The following DYM variants were observed in gnomAD, a reference collection of about 807,000 sequenced individuals.
DYM encodes the protein dyggve-Melchior-Clausen syndrome protein.
DYM carries 78 observed loss-of-function variants against 93.1 expected under a neutral mutation model. The observed-to-expected ratio is 0.84, with a 90% CI of 0.70 to 1.01. The LOEUF (loss-of-function observed/expected upper bound fraction) is 1.01, where lower values mean the gene tolerates loss of function less well. DYM is among the 50% of genes least tolerant of loss of function. DYM has a pLI of 0.00. For missense variants in DYM, 789 were observed against 845.0 expected, an observed-to-expected ratio of 0.93 and a Z score of 0.82; for synonymous variants, 321 against 319.7, an observed-to-expected ratio of 1.00 and a Z score of -0.04.
intron 6 of DYM, among the ~76,000 whole-genome samples, chr18:49,338,500 G>A (rs1219760024): frequency 6.6e-6 from 1 of 152,082 alleles, no homozygotes; most frequent in African/African-American, 2.4e-5. Context: ...TTTCCCTACT[G>A]GATATCAAGC....
chr18:49,060,305 C>T (rs985408063), intron 17 of DYM, among the ~76,000 whole-genome samples: 1 of 152,014 alleles, frequency 6.6e-6, no homozygotes, highest in South Asian at 2.1e-4. Context: ...GGCAAATGCC[C>T]GCCTCCATGC....
chr18:49,452,600 G>A (rs539154619), intron 1 of DYM, among the ~76,000 whole-genome samples: 13 of 152,204 alleles, frequency 8.5e-5, no homozygotes, highest in East Asian at 5.8e-4. Flanking sequence ...GCTGACTGGC[G>A]TATCTACAAT....
At chr18:49,101,324 T>C (rs2080115409) in intron 16 of DYM, among the ~76,000 whole-genome samples, 1 of 152,186 alleles carries the variant, frequency 6.6e-6, no homozygotes, top group Admixed American at 6.5e-5. Flanking sequence ...ACAACCCTCC[T>C]CTACCTACAA....
intron 9 of DYM, among the ~76,000 whole-genome samples, chr18:49,282,515 T>A (rs546670157): frequency 6.6e-6 from 1 of 152,038 alleles, no homozygotes; most frequent in Non-Finnish European, 1.5e-5. Context: ...CAGGAGGCTA[T>A]AGCAGGAGAA....
chr18:49,422,014 CA>C (rs1195734660), intron 2 of DYM, among the ~76,000 whole-genome samples: 1 of 152,076 alleles, frequency 6.6e-6, no homozygotes, highest in Non-Finnish European at 1.5e-5. Flanking sequence ...GTGAAAAGAC[CA>C]AATCTATGTC....
chr18:49,213,032 T>C (rs1313883833), intron 13 of DYM, among the ~76,000 whole-genome samples: 1 of 152,168 alleles, frequency 6.6e-6, no homozygotes, highest in African/African-American at 2.4e-5. Flanking sequence ...AAAAATAAAA[T>C]TTCCTTAGTG....
intron 9 of DYM, among the ~76,000 whole-genome samples, 194 bp from the exon 10 acceptor site, chr18:49,282,369 C>A (rs1162464461): frequency 6.6e-6 from 1 of 152,174 alleles, no homozygotes; most frequent in Non-Finnish European, 1.5e-5. Flanking sequence ...AATCCCAGCA[C>A]TTTGGGAGGC....
chr18:49,061,057 C>A lies in DYM; in HGVS notation c.2026-16853G>T, dbSNP rs1243345227. Among the ~76,000 whole-genome samples, 4 of 152,184 alleles carry A rather than the reference C, an allele frequency of 2.6e-5. No individual in the cohort carries two copies. The East Asian group carries it at 5.8e-4, about 22-fold the overall frequency. On this transcript the variant is annotated intron_variant, in intron 17 of 17. Coordinates refer to ENST00000675505, the MANE Select transcript of DYM (RefSeq NM_001353214.3). ...AATCTCAATGGCTTCTCAATGGAAA[C>A]CACTGCCACAGAAGATACCAAAAAG...
intron 1 of DYM, among the ~76,000 whole-genome samples, chr18:49,434,705 C>G (rs925169610): frequency 2.6e-5 from 4 of 151,984 alleles, no homozygotes; most frequent in Non-Finnish European, 5.9e-5. Flanking sequence ...GTGGATCACG[C>G]CTGTAATCAC....
intron 2 of DYM, among the ~76,000 whole-genome samples, chr18:49,424,574 G>A (rs537784606): frequency 6.6e-6 from 1 of 152,054 alleles, no homozygotes; most frequent in East Asian, 1.9e-4. Flanking sequence ...AAGAAATAAA[G>A]GATATTCAAT....
intron 8 of DYM, among the ~76,000 whole-genome samples, chr18:49,296,602 G>T (rs1159793583): frequency 6.6e-6 from 1 of 151,966 alleles, no homozygotes; most frequent in Non-Finnish European, 1.5e-5. Flanking sequence ...GACTATTGGT[G>T]GGGGGAAATA....
intron 15 of DYM, among the ~76,000 whole-genome samples, chr18:49,130,576 T>A (rs1424795458): frequency 6.6e-6 from 1 of 152,084 alleles, no homozygotes; most frequent in East Asian, 1.9e-4. Flanking sequence ...TAAAACAATT[T>A]TTTTTTTATA....
At chr18:49,055,725 C>T (rs541209745) in intron 17 of DYM, among the ~76,000 whole-genome samples, 17 of 152,344 alleles carry the variant, frequency 1.1e-4, no homozygotes, top group Middle Eastern at 3.4e-3. Flanking sequence ...GGGCAGAATG[C>T]TAAACGAAAG....
rs1242616015 is a variant in DYM, at chr18:49,440,879, ATT to A, written c.-53-10434_-53-10433del. Among the ~76,000 whole-genome samples, 4 of 3,050 alleles carry A rather than the reference ATT, an allele frequency of 1.3e-3. 1 individual carries two copies. The highest frequency in any genetic ancestry group is 5.2e-3 in the Admixed American group (1 of 192). 2.0% of individuals were successfully genotyped at this position (3,050 alleles called of 152,430 possible). ...TATATTTATATTATATATAATATAT[ATT>A]ATATATATAATATATTTATATAAAT... On this transcript the variant is annotated intron_variant, in intron 1 of 17. Coordinates refer to ENST00000675505, the MANE Select transcript of DYM (RefSeq NM_001353214.3).
At chr18:49,421,822 A>G (rs2073746853) in intron 2 of DYM, among the ~76,000 whole-genome samples, 1 of 152,242 alleles carries the variant, frequency 6.6e-6, no homozygotes, top group Admixed American at 6.5e-5. Flanking sequence ...GACCTTATGG[A>G]GCTGAAAACC....
At chr18:49,286,371 A>G (rs935963487) in intron 9 of DYM, 63 bp downstream of exon 9, 1 of 1,564,142 alleles carries the variant, frequency 6.4e-7, no homozygotes, top group African/African-American at 1.4e-5. Flanking sequence ...AAGACAATAA[A>G]CAATATAGAA....
At chr18:49,131,992 T>C (rs1158534844) in intron 15 of DYM, among the ~76,000 whole-genome samples, 1 of 152,190 alleles carries the variant, frequency 6.6e-6, no homozygotes, top group Non-Finnish European at 1.5e-5. Flanking sequence ...CAACCAAATG[T>C]GTGAATTTTA....
chr18:49,284,760 T>G (rs1286492376), intron 9 of DYM, among the ~76,000 whole-genome samples: 2 of 152,206 alleles, frequency 1.3e-5, no homozygotes, highest in Non-Finnish European at 2.9e-5. Flanking sequence ...GAGTAAGTAA[T>G]GGGAACAGAA....
chr18:49,156,717 G>A (rs2086488939), intron 15 of DYM, among the ~76,000 whole-genome samples: 1 of 138,774 alleles, frequency 7.2e-6, no homozygotes, highest in African/African-American at 2.7e-5. Flanking sequence ...GGGCGACAGA[G>A]TGAAAACGCT....
Sources: gnomAD v4.1 joint callset for allele counts (sites outside exome capture counted in the v4.1 genomes callset) on GRCh38, gnomAD v4.1.1 for gene constraint, MANE v1.5 for transcripts, NCBI Gene and HGNC (gene_info 2026-07-23, HGNC 2026-07-21) for gene names.